Variants in SNX27 observed in about 807,000 individuals in gnomAD.
SNX27 encodes sorting nexin 27.
Under a neutral mutation model 71.6 loss-of-function variants are expected in SNX27, and 22 were observed. That is an observed-to-expected ratio of 0.31 (90% CI 0.22 to 0.44). The LOEUF (loss-of-function observed/expected upper bound fraction) is 0.44. Ranked by LOEUF, SNX27 falls within the 20% of genes least tolerant of loss-of-function variation. The pLI is 1.00. For synonymous variants in SNX27, 269 were observed against 277.2 expected, an observed-to-expected ratio of 0.97 and a Z score of 0.29; for missense variants, 531 against 698.6, an observed-to-expected ratio of 0.76 and a Z score of 2.70.
chr1:151,633,399 G>A (rs538020446), intron 1 of SNX27, among the ~76,000 whole-genome samples: 174 of 152,188 alleles, frequency 1.1e-3, no homozygotes, highest in Non-Finnish European at 1.8e-3. Context: ...CCAGGTACAA[G>A]CAATCCTCCT....
At chr1:151,645,461 T>C (rs1210853667) in intron 2 of SNX27, among the ~76,000 whole-genome samples, 2 of 152,244 alleles carry the variant, frequency 1.3e-5, no homozygotes, top group African/African-American at 4.8e-5. Context: ...TCGATGTTTT[T>C]GTTTTAGCTG....
intron 1 of SNX27, among the ~76,000 whole-genome samples, chr1:151,633,507 A>G (rs1474678797): frequency 3.3e-5 from 5 of 152,046 alleles, no homozygotes; most frequent in African/African-American, 4.8e-5. Context: ...CTTGTTGCCC[A>G]GGCTGGTCTC....
chr1:151,648,452 T>C (rs1669162675), intron 2 of SNX27, among the ~76,000 whole-genome samples: 1 of 151,880 alleles, frequency 6.6e-6, no homozygotes, highest in South Asian at 2.1e-4. Context: ...GGAGTTTTGC[T>C]CTTTTTGCCC....
chr1:151,668,661 G>A (rs768722144), intron 7 of SNX27, 26 bp downstream of exon 7: 10 of 1,598,934 alleles, frequency 6.3e-6, no homozygotes, highest in Non-Finnish European at 8.5e-6. Flanking sequence ...TTCTTGAAAG[G>A]CACAATTTCT....
intron 8 of SNX27, among the ~76,000 whole-genome samples, chr1:151,690,953 C>T (rs1216270410): frequency 6.6e-6 from 1 of 152,188 alleles, no homozygotes; most frequent in Non-Finnish European, 1.5e-5. Flanking sequence ...TTCCTCACTC[C>T]TCTGTGTTTC....
chr1:151,641,107 C>T (rs762229314), intron 2 of SNX27, among the ~76,000 whole-genome samples: 1 of 152,150 alleles, frequency 6.6e-6, no homozygotes, highest in Non-Finnish European at 1.5e-5. Context: ...TTTCATTGTT[C>T]ATGCACATGT....
intron 5 of SNX27, 57 bp downstream of exon 5, chr1:151,662,327 G>A (rs11808761): frequency 0.48 from 569,925 of 1,175,436 alleles, 148,097 homozygotes; most frequent in Non-Finnish European, 0.55. Context: ...AAGGAAGATA[G>A]ATTAAATAAG....
intron 1 of SNX27, among the ~76,000 whole-genome samples, chr1:151,637,153 GTTTTTTTTGTTTTTTTGTT>G (rs1668496176): frequency 1.6e-5 from 1 of 64,082 alleles, no homozygotes; most frequent in Non-Finnish European, 3.3e-5. Flanking sequence ...AGTTGATCAC[GTTTTTTTTGTTTTTTTGTT>G]TTTTTTTTTT....
intron 1 of SNX27, among the ~76,000 whole-genome samples, chr1:151,634,283 C>T (rs1047330699): frequency 4.6e-5 from 7 of 152,086 alleles, no homozygotes; most frequent in Non-Finnish European, 8.8e-5. Flanking sequence ...AGACTAATTA[C>T]TTTTTTATTA....
intron 9 of SNX27, 62 bp downstream of exon 9, chr1:151,692,646 T>G: frequency 3.2e-6 from 5 of 1,571,574 alleles, no homozygotes; most frequent in Non-Finnish European, 4.3e-6. Flanking sequence ...CTCACTTGCT[T>G]GTGACGTTTT....
chr1:151,682,664 G>A (rs745962518), intron 7 of SNX27, among the ~76,000 whole-genome samples: 11 of 152,192 alleles, frequency 7.2e-5, no homozygotes, highest in Non-Finnish European at 1.6e-4. Context: ...ATGGCATAAG[G>A]TGAAAGGGAA....
At chr1:151,673,950 G>C (rs1357170524) in intron 7 of SNX27, among the ~76,000 whole-genome samples, 1 of 152,036 alleles carries the variant, frequency 6.6e-6, no homozygotes, top group Non-Finnish European at 1.5e-5. Context: ...TATGTTTCTT[G>C]TAGACAACAG....
intron 2 of SNX27, among the ~76,000 whole-genome samples, chr1:151,648,644 C>G (rs1669175357): frequency 6.6e-6 from 1 of 152,080 alleles, no homozygotes; most frequent in Non-Finnish European, 1.5e-5. Flanking sequence ...GTCATGAACT[C>G]CTGACCTCAG....
At chr1:151,635,142 A>G (rs1425415359) in intron 1 of SNX27, among the ~76,000 whole-genome samples, 2 of 152,256 alleles carry the variant, frequency 1.3e-5, no homozygotes. Flanking sequence ...GGTTTGTATC[A>G]TCAAGGAGGT....
chr1:151,617,371 C>T (rs541807711), intron 1 of SNX27, among the ~76,000 whole-genome samples: 30 of 152,230 alleles, frequency 2.0e-4, no homozygotes, highest in African/African-American at 6.3e-4. Context: ...CTCCGCCTCC[C>T]GGGTTCAAGC....
chr1:151,688,714 G>T (rs1242205279), intron 8 of SNX27, among the ~76,000 whole-genome samples: 9 of 151,904 alleles, frequency 5.9e-5, no homozygotes, highest in Admixed American at 5.9e-4. Context: ...TAGGTTTAGG[G>T]ACACGTGCAG....
intron 2 of SNX27, among the ~76,000 whole-genome samples, chr1:151,639,593 G>A (rs1668634191): frequency 6.6e-6 from 1 of 152,158 alleles, no homozygotes; most frequent in Non-Finnish European, 1.5e-5. Flanking sequence ...TCCACATCAT[G>A]TTCTTTTTCA....
At chr1:151,687,884 C>A (rs1041192658) in intron 8 of SNX27, among the ~76,000 whole-genome samples, 1 of 149,512 alleles carries the variant, frequency 6.7e-6, no homozygotes, top group Non-Finnish European at 1.5e-5. Context: ...GGAGGCGGAG[C>A]TTGCAGTGAG....
chr1:151,690,584 A>G, intron 8 of SNX27, among the ~76,000 whole-genome samples: 1 of 151,370 alleles, frequency 6.6e-6, no homozygotes. Flanking sequence ...CCAAGTAGCT[A>G]GGACTACAGG....
Sources: gnomAD v4.1 joint callset for allele counts (sites outside exome capture counted in the v4.1 genomes callset) on GRCh38, gnomAD v4.1.1 for gene constraint, MANE v1.5 for transcripts, NCBI Gene and HGNC (gene_info 2026-07-23, HGNC 2026-07-21) for gene names.